The following ADGRG4 variants were observed in gnomAD, a reference collection of about 807,000 sequenced individuals.
ADGRG4 encodes adhesion G protein-coupled receptor G4.
Under a neutral mutation model 126.2 loss-of-function variants are expected in ADGRG4, and 122 were observed. The ratio of observed to expected loss-of-function variants is 0.97; its 90% CI spans 0.83 to 1.12. The LOEUF is 1.12. Among genes scored for constraint, ADGRG4 ranks in the 50% most tolerant of loss-of-function variants. ADGRG4 has a pLI of 0.00. For synonymous variants in ADGRG4, 943 were observed against 838.7 expected (o/e 1.12, Z -2.15); for missense variants, 2,481 against 2,251.8 (o/e 1.10, Z -2.06).
intron 24 of ADGRG4, among the ~76,000 whole-genome samples, chrX:136,413,756 T>C (rs2075460787): frequency 9.2e-6 from 1 of 108,273 alleles, no homozygotes; most frequent in Admixed American, 9.9e-5. Context: ...GTTTTTTTTT[T>C]TGAGACAGAG....
chrX:136,321,842 A>G lies in ADGRG4; in HGVS notation c.71-936A>G, dbSNP rs545594082. Among the ~76,000 whole-genome samples, 3 of 112,191 alleles carry G rather than the reference A, an allele frequency of 2.7e-5. No individual in the cohort carries two copies. The South Asian group carries it at 1.1e-3, about 42-fold the overall frequency. On this transcript the variant is annotated intron_variant, in intron 4 of 25. Transcript: ENST00000394143. ...TGTTTAACAAGGTTTTGCATACATCATCTCACTTAATCTTCAAATAATCTT... is the reference window on the plus strand; with the variant it reads ...TGTTTAACAAGGTTTTGCATACATCGTCTCACTTAATCTTCAAATAATCTT...
At chrX:136,343,034 G>C (rs973720215) in intron 5 of ADGRG4, among the ~76,000 whole-genome samples, 5 of 108,950 alleles carry the variant, frequency 4.6e-5, no homozygotes, top group Non-Finnish European at 7.6e-5. Context: ...CAGTTGGGAG[G>C]CTACTGCAGT....
rs1379597852 is a variant in ADGRG4 at position 136,345,870 on chromosome X, GC to G, written c.2166del (p.Arg723AspfsTer9). On this transcript the variant is annotated frameshift_variant, in exon 6 of 26. Coordinates refer to ENST00000394143, the MANE Select transcript of ADGRG4 (RefSeq NM_153834.4). LOFTEE classifies it high-confidence loss of function. ...TACCACTGCCAATGATGCTACTACA[GC>G]CAGATATACAACAGCTGTATCCAAA... Reference protein sequence around the residue: ...KGTTANDATTARYTTAVSKLT... With the variant: ...KGTTANDATTXRYTTAVSKLT... 2 of 1,209,348 alleles carry G rather than the reference GC, an allele frequency of 1.7e-6. No individual in the cohort carries two copies. Among genetic ancestry groups the G allele is most frequent in the Non-Finnish European group, 2.2e-6 (2 of 894,655 alleles).
chrX:136,301,924 C>T (rs187504236), intron 1 of ADGRG4, among the ~76,000 whole-genome samples: 42 of 111,897 alleles, frequency 3.8e-4, no homozygotes, highest in Admixed American at 1.4e-3. Context: ...GGGCCCTGTT[C>T]TGTTCCATTG....
chrX:136,357,379 G>T (rs5975724), intron 9 of ADGRG4, among the ~76,000 whole-genome samples: 53,912 of 110,412 alleles, frequency 0.49, 9,629 homozygotes, highest in Middle Eastern at 0.6. Flanking sequence ...ATTGTCAATT[G>T]CATGTTAATA....
In ADGRG4 at chrX:136,401,572, T is replaced by C. The variant is rs143481948; in HGVS notation, c.8575+1456T>C. Among the ~76,000 whole-genome samples the C allele has an allele frequency of 1.6e-4, 18 of 111,571 alleles. No homozygotes were observed. In the Middle Eastern group the frequency reaches 0.014, roughly 85 times the overall value. ...TGAGAAGTCTGACTGGCTCAATCAGTAAAGAAAGATACAATAAGCCACTCT... is the reference window on the plus strand; with the variant it reads ...TGAGAAGTCTGACTGGCTCAATCAGCAAAGAAAGATACAATAAGCCACTCT... On this transcript the variant is annotated intron_variant, in intron 21 of 25. Coordinates refer to ENST00000394143, the MANE Select transcript of ADGRG4 (RefSeq NM_153834.4).
chrX:136,332,974 T>C (rs1307020356), intron 5 of ADGRG4, among the ~76,000 whole-genome samples: 3 of 111,658 alleles, frequency 2.7e-5, no homozygotes, highest in Non-Finnish European at 5.6e-5. Context: ...ACTCTGATGG[T>C]AGTTTCTTTT....
intron 7 of ADGRG4, among the ~76,000 whole-genome samples, chrX:136,353,044 G>C (rs144069820): frequency 1.8e-5 from 2 of 111,523 alleles, no homozygotes; most frequent in Admixed American, 9.6e-5. Context: ...CACTGGTCCT[G>C]TTGGAGTAGG....
intron 5 of ADGRG4, among the ~76,000 whole-genome samples, chrX:136,334,065 A>C: frequency 9.5e-6 from 1 of 105,542 alleles, no homozygotes; most frequent in Non-Finnish European, 2.0e-5. Flanking sequence ...GTGTAGGTTG[A>C]GGTTCTCTCT....
At chrX:136,338,875 T>C (rs2030732591) in intron 5 of ADGRG4, among the ~76,000 whole-genome samples, 1 of 112,232 alleles carries the variant, frequency 8.9e-6, no homozygotes, top group Non-Finnish European at 1.9e-5. Flanking sequence ...AGCACACAGG[T>C]CTTGGTCCAT....
chrX:136,378,950 CT>C (rs953396071), intron 15 of ADGRG4, among the ~76,000 whole-genome samples: 2 of 111,024 alleles, frequency 1.8e-5, no homozygotes, highest in East Asian at 2.8e-4. Context: ...CTGAAATTTT[CT>C]TTTTTTTGTG....
Position 136,346,609 on chromosome X carries a change from C to T in ADGRG4, c.2903C>T (p.Ala968Val), listed in dbSNP as rs771506696. 8.3e-7 allele frequency: 1 copy of T among 1,210,100 alleles called. No individual in the cohort carries two copies. Among genetic ancestry groups the T allele is most frequent in the African/African-American group, 1.7e-5 (1 of 57,795 alleles). ...CATATATTCGGTGAACCCCTGGGTG[C>T]TTCTACCACAAGGATATCAGAAACC... is the stretch of plus-strand genomic sequence containing the variant. Reference protein sequence around the residue: ...STHIFGEPLGASTTRISETSF... With the variant: ...STHIFGEPLGVSTTRISETSF... Residue 968 changes from alanine (A) to valine (V), a missense_variant, in exon 6 of 26, where the codon GCT becomes GTT. Physicochemically the swap from Ala to Val is moderately conservative, Grantham distance 64. Coordinates refer to ENST00000394143, the MANE Select transcript of ADGRG4 (RefSeq NM_153834.4).
In ADGRG4 at chrX:136,323,142, A is replaced by G. The variant is rs767599985; in HGVS notation, c.435A>G (p.Val145=). 1 of 1,211,841 alleles carries G rather than the reference A, an allele frequency of 8.3e-7. No homozygotes were observed. Among genetic ancestry groups the G allele is most frequent in the South Asian group, 1.8e-5 (1 of 56,986 alleles). ...LFLNKERILE[V]TDQPHNLTPH... ...TGAATAAAGAAAGGATACTGGAAGT[A>G]ACGGATCAACCACACAACCTGACAC... Residue 145 remains valine (V), a synonymous_variant, in exon 5 of 26, where the codon GTA becomes GTG. Coordinates refer to ENST00000394143, the MANE Select transcript of ADGRG4 (RefSeq NM_153834.4).
At chrX:136,366,611 C>T (rs1296711038) in intron 13 of ADGRG4, among the ~76,000 whole-genome samples, 3 of 112,250 alleles carry the variant, frequency 2.7e-5, no homozygotes, top group African/African-American at 6.5e-5. Context: ...AAGAAGCTGA[C>T]AAATTGCCTT....
rs1222390674 is a variant in ADGRG4, at chrX:136,347,130, A to T, written c.3424A>T (p.Thr1142Ser). Residue 1142 changes from threonine (T) to serine (S), a missense_variant, in exon 6 of 26, where the codon ACT becomes TCT. Physicochemically the swap from Thr to Ser is moderately conservative, Grantham distance 58. Transcript: ENST00000394143. ...TGATACAGTAACCCCATCTACACAC[A>T]CTCTTGTCTGCTCAAAACCTCCCCC... Reference protein sequence around the residue: ...SVDTVTPSTHTLVCSKPPPDN... With the variant: ...SVDTVTPSTHSLVCSKPPPDN... 1 of 1,208,755 alleles carries T rather than the reference A, an allele frequency of 8.3e-7. No homozygotes were observed. Among genetic ancestry groups the T allele is most frequent in the Non-Finnish European group, 1.1e-6 (1 of 894,318 alleles).
chrX:136,313,031 T>C (rs2074782951), intron 4 of ADGRG4, among the ~76,000 whole-genome samples: 2 of 112,718 alleles, frequency 1.8e-5, no homozygotes, highest in African/African-American at 3.2e-5. Context: ...GGTATGGATA[T>C]ACCTCATATT....
chrX:136,354,207 C>G (rs771734878), intron 8 of ADGRG4, among the ~76,000 whole-genome samples: 10 of 111,486 alleles, frequency 9.0e-5, no homozygotes, highest in African/African-American at 3.3e-4. Flanking sequence ...GGTAAATGTA[C>G]GGTAGGTTAT....
intron 15 of ADGRG4, among the ~76,000 whole-genome samples, chrX:136,381,244 T>C (rs1197709698): frequency 9.0e-6 from 1 of 110,875 alleles, no homozygotes; most frequent in Non-Finnish European, 1.9e-5. Flanking sequence ...TTGGGGGCTA[T>C]CTAAGATATC....
At chrX:136,373,554 A>AT (rs1394659636) in intron 15 of ADGRG4, among the ~76,000 whole-genome samples, 1 of 111,725 alleles carries the variant, frequency 9.0e-6, no homozygotes, top group African/African-American at 3.3e-5. Flanking sequence ...CAGAGGTTAG[A>AT]TTTTTTTTAC....
Sources: gnomAD v4.1 joint callset for allele counts (sites outside exome capture counted in the v4.1 genomes callset) on GRCh38, gnomAD v4.1.1 for gene constraint, MANE v1.5 for transcripts, NCBI Gene and HGNC (gene_info 2026-07-23, HGNC 2026-07-21) for gene names.